Variants in CACNA1G observed in about 807,000 individuals in gnomAD.
The protein encoded by CACNA1G is calcium voltage-gated channel subunit alpha1 G, also known as voltage-dependent T-type calcium channel subunit alpha-1G.
Under a neutral mutation model 219.4 loss-of-function variants are expected in CACNA1G, and 67 were observed. That is an observed-to-expected ratio of 0.31 (90% CI 0.25 to 0.37). The LOEUF is 0.37. Among genes scored for constraint, CACNA1G ranks in the 10% least tolerant of loss-of-function variants. The pLI, the probability that CACNA1G is intolerant of heterozygous loss-of-function variation, is 1.00. For missense variants in CACNA1G, 2,380 were observed against 3,231.4 expected, an observed-to-expected ratio of 0.74 and a Z score of 6.39; for synonymous variants, 1,296 against 1,345.3, an observed-to-expected ratio of 0.96 and a Z score of 0.80.
intron 16 of CACNA1G, among the ~76,000 whole-genome samples, chr17:50,599,210 G>A (rs561069689): frequency 2.0e-5 from 3 of 152,372 alleles, no homozygotes; most frequent in East Asian, 3.9e-4. Flanking sequence ...GTTTACAGAT[G>A]AGGAAACAGA....
At position 50,617,281 on chromosome 17, in the gene CACNA1G, G is replaced by A. The variant is rs1178773946; in HGVS notation, c.5022-157G>A. 6.6e-6 allele frequency among the ~76,000 whole-genome samples: 1 copy of A among 152,242 alleles called. No individual in the cohort carries two copies. Among genetic ancestry groups the A allele is most frequent in the Non-Finnish European group, 1.5e-5 (1 of 68,044 alleles). On this transcript the variant is annotated intron_variant, in intron 28 of 37. Coordinates refer to ENST00000359106, the MANE Select transcript of CACNA1G (RefSeq NM_018896.5). The surrounding 1 kb of genome is among the most constrained non-coding windows in gnomAD (Gnocchi z 5.8). ...CCTACTCGTGCCACCAGTTGGCTGT[G>A]TGGCCTTAGATAAGCCACGCCTCTT...
Position 50,607,922 on chromosome 17 carries a change from G to A in CACNA1G, c.4608G>A (p.Val1536=). The A allele has an allele frequency of 6.2e-7, 1 of 1,614,016 alleles. No individual in the cohort carries two copies. Among genetic ancestry groups the A allele is most frequent in the Non-Finnish European group, 8.5e-7 (1 of 1,179,864 alleles). ...FFVLNMFVGV[V]VENFHKCRQH... The stretch of plus-strand genomic sequence containing the variant: ...TCCTGAACATGTTTGTGGGTGTGGT[G>A]GTGGAGAACTTCCACAAGTGTCGGC... Residue 1536 remains valine (V), a synonymous_variant, in exon 25 of 38, where the codon GTG becomes GTA. Coordinates refer to ENST00000359106, the MANE Select transcript of CACNA1G (RefSeq NM_018896.5).
chr17:50,586,237 C>T (rs1241412512), intron 9 of CACNA1G, among the ~76,000 whole-genome samples: 2 of 152,234 alleles, frequency 1.3e-5, no homozygotes, highest in Admixed American at 6.5e-5. Flanking sequence ...CCTTCCCACC[C>T]GCCCCCAGGG....
At position 50,578,322 on chromosome 17, in the gene CACNA1G, G is replaced by T. The variant is rs1472925560; in HGVS notation, c.2059G>T (p.Asp687Tyr). ...GGAGCTCGCCGACCGTGAAATGCCTGACTCAGACAGCGAGGCAGTTTATGA... is the reference window on the plus strand; with the variant it reads ...GGAGCTCGCCGACCGTGAAATGCCTTACTCAGACAGCGAGGCAGTTTATGA... ...EVELADREMP[D>Y]SDSEAVYEFT... is the part of the protein sequence containing the mutation. The change falls in exon 9 of 38, where the codon GAC becomes TAC. Residue 687 changes from aspartate (D) to tyrosine (Y), a missense_variant. Transcript: ENST00000359106. The surrounding 1 kb of genome is among the most constrained non-coding windows in gnomAD (Gnocchi z 4.5). 1.2e-6 allele frequency: 2 copies of T among 1,613,268 alleles called. No homozygotes were observed. The highest frequency in any genetic ancestry group is 1.7e-6 in the Non-Finnish European group (2 of 1,179,870).
Position 50,572,639 on chromosome 17 carries a change from G to A in CACNA1G, c.832G>A (p.Gly278Ser), listed in dbSNP as rs1392140625. The change falls in exon 6 of 38, where the codon GGC (glycine) becomes AGC (serine). Residue 278 changes from glycine to serine, a missense_variant. Gly to Ser is a moderately conservative substitution (Grantham distance 56, BLOSUM62 0). This residue lies in a region of CACNA1G where 68 missense variants were observed against 85.3 expected (regional missense o/e 0.80). Transcript: ENST00000359106. ...PFICSQPREN[G>S]MRSCRSVPTL... The stretch of plus-strand genomic sequence containing the variant: ...CATCTGCTCCCAGCCACGCGAGAAC[G>A]GCATGCGGTCCTGCAGAAGCGTGCC... 1.2e-6 allele frequency: 2 copies of A among 1,601,612 alleles called. No individual in the cohort carries two copies. The highest frequency in any genetic ancestry group is 1.7e-4 in the Middle Eastern group (1 of 6,044).
At position 50,626,071 on chromosome 17, in the gene CACNA1G, C is replaced by G. The variant is rs2053735395; in HGVS notation, c.6454C>G (p.Leu2152Val). ...DVQGLGSRED[L>V]LAEVSGPSPP... Reference sequence around the variant, plus strand: ...TCAGGGTCTGGGCAGCCGGGAAGACCTGCTGGCAGAGGTGAGTGGGCCCTC... The same window carrying G: ...TCAGGGTCTGGGCAGCCGGGAAGACGTGCTGGCAGAGGTGAGTGGGCCCTC... The change falls in exon 38 of 38, where the codon CTG (leucine) becomes GTG (valine). Residue 2152 changes from leucine to valine, a missense_variant. Leu to Val is a conservative substitution (Grantham distance 32). Transcript: ENST00000359106. This position sits in a 1 kb window ranked among gnomAD's most constrained non-coding sequence, Gnocchi z 4.3. 1 of 1,613,516 alleles carries G rather than the reference C, an allele frequency of 6.2e-7. No individual in the cohort carries two copies. The highest frequency in any genetic ancestry group is 2.2e-5 in the East Asian group (1 of 44,850).
chr17:50,608,985 C>T (rs1489351704), intron 25 of CACNA1G, among the ~76,000 whole-genome samples: 1 of 152,112 alleles, frequency 6.6e-6, no homozygotes, highest in Non-Finnish European at 1.5e-5. Flanking sequence ...GTGTGTCTGT[C>T]TGTGTGTCTC....
intron 9 of CACNA1G, among the ~76,000 whole-genome samples, chr17:50,580,166 G>T (rs2041633532): frequency 6.6e-6 from 1 of 152,118 alleles, no homozygotes; most frequent in East Asian, 1.9e-4. Flanking sequence ...ACCACGGTGG[G>T]CATGTTGTGT....
At position 50,571,657 on chromosome 17, in the gene CACNA1G, C is replaced by A. The variant is rs560900512; in HGVS notation, c.587-221C>A. On this transcript the variant is annotated intron_variant, in intron 4 of 37. Transcript: ENST00000359106. This position sits in a 1 kb window ranked among gnomAD's most constrained non-coding sequence, Gnocchi z 4.3. ...CCAGCTCACTGTTGGTGGTACTGTG[C>A]AGATTACCGTGGGCAAGCCACAAGG... is the stretch of plus-strand genomic sequence containing the variant. 6.6e-6 allele frequency among the ~76,000 whole-genome samples: 1 copy of A among 152,262 alleles called. No homozygotes were observed. Among genetic ancestry groups the A allele is most frequent in the Non-Finnish European group, 1.5e-5 (1 of 68,014 alleles).
Position 50,618,862 on chromosome 17 carries a change from A to G in CACNA1G, c.5635A>G (p.Ser1879Gly), listed in dbSNP as rs771223583. 4 of 1,612,848 alleles carry G rather than the reference A, an allele frequency of 2.5e-6. No individual in the cohort carries two copies. The highest frequency in any genetic ancestry group is 1.1e-5 in the South Asian group (1 of 91,044). Residue 1879 changes from serine to glycine, a missense_variant, in exon 33 of 38, where the codon AGC becomes GGC. By Grantham distance (56) the Ser-to-Gly change is moderately conservative. Coordinates refer to ENST00000359106, the MANE Select transcript of CACNA1G (RefSeq NM_018896.5). The surrounding 1 kb of genome is among the most constrained non-coding windows in gnomAD (Gnocchi z 5.3). ...GCTGGAGCTGGAGATGAAGACCCTC[A>G]GCCCCCAGCCCCACTCGCCACTGGG... The part of the protein sequence containing the change: ...AELELEMKTL[S>G]PQPHSPLGSP...
At chr17:50,604,964 C>T (rs1368200179) in intron 22 of CACNA1G, among the ~76,000 whole-genome samples, 2 of 152,152 alleles carry the variant, frequency 1.3e-5, no homozygotes, top group Non-Finnish European at 2.9e-5. Flanking sequence ...CCCTCGTTCC[C>T]TTGGCTTCCT....
At chr17:50,584,227 A>G (rs1212060769) in intron 9 of CACNA1G, among the ~76,000 whole-genome samples, 1 of 152,058 alleles carries the variant, frequency 6.6e-6, no homozygotes, top group Admixed American at 6.6e-5. Flanking sequence ...GAGATTGTTT[A>G]GTGTCGTCTA....
chr17:50,587,835 C>T (rs1035988598), intron 9 of CACNA1G, among the ~76,000 whole-genome samples: 1 of 152,052 alleles, frequency 6.6e-6, no homozygotes, highest in Non-Finnish European at 1.5e-5. Flanking sequence ...AGCCTGGCAT[C>T]ATCCTTCTCC....
rs2039526619 is a variant in CACNA1G at position 50,571,937 on chromosome 17, C to A, written c.646C>A (p.Leu216Met). 1 of 1,613,902 alleles carries A rather than the reference C, an allele frequency of 6.2e-7. No homozygotes were observed. Among genetic ancestry groups the A allele is most frequent in the Non-Finnish European group, 8.5e-7 (1 of 1,179,878 alleles). ...GCTGCCCATGCTGGGCAACGTCCTG[C>A]TGCTCTGCTTCTTCGTCTTCTTCAT... ...DTLPMLGNVL[L>M]LCFFVFFIFG... Residue 216 changes from leucine to methionine, a missense_variant, in exon 5 of 38, where the codon CTG becomes ATG. This residue lies in a region of CACNA1G where 56 missense variants were observed against 135.8 expected (regional missense o/e 0.41). Transcript: ENST00000359106. The surrounding 1 kb of genome is among the most constrained non-coding windows in gnomAD (Gnocchi z 4.3).
chr17:50,593,478 C>T (rs2044806631), intron 13 of CACNA1G, among the ~76,000 whole-genome samples: 1 of 152,262 alleles, frequency 6.6e-6, no homozygotes, highest in East Asian at 1.9e-4. Flanking sequence ...CAGATGGCCC[C>T]CTCCCCAGCA....
In CACNA1G at chr17:50,578,809, G is replaced by C. The variant is rs1308101073; in HGVS notation, c.2301+245G>C. On this transcript the variant is annotated intron_variant, in intron 9 of 37. Transcript: ENST00000359106. The surrounding 1 kb of genome is among the most constrained non-coding windows in gnomAD (Gnocchi z 4.5). The stretch of plus-strand genomic sequence containing the variant: ...CACAGGGTATGTTCTACCCAGGAAG[G>C]CTGCTCAGAGGAGGCTGGCTTTGAA... Among the ~76,000 whole-genome samples the C allele has an allele frequency of 6.6e-6, 1 of 152,186 alleles. No homozygotes were observed. Among genetic ancestry groups the C allele is most frequent in the African/African-American group, 2.4e-5 (1 of 41,436 alleles).
intron 9 of CACNA1G, among the ~76,000 whole-genome samples, chr17:50,583,536 A>G (rs886496): frequency 0.033 from 5,034 of 152,196 alleles, 266 homozygotes; most frequent in African/African-American, 0.11. Context: ...ATGCCGCAAG[A>G]GAGGCTTCAG....
intron 35 of CACNA1G, 47 bp from the exon 36 acceptor site, chr17:50,623,860 C>T: frequency 6.3e-7 from 1 of 1,578,408 alleles, no homozygotes; most frequent in Non-Finnish European, 8.7e-7. Flanking sequence ...GTTACCAAAC[C>T]CACGCACACC....
chr17:50,593,092 G>T (rs1348361942), intron 13 of CACNA1G, among the ~76,000 whole-genome samples: 1 of 152,134 alleles, frequency 6.6e-6, no homozygotes, highest in Admixed American at 6.5e-5. Flanking sequence ...TCCCTCCTGT[G>T]GGGCAGCCAG....
Sources: gnomAD v4.1 joint callset for allele counts (sites outside exome capture counted in the v4.1 genomes callset) on GRCh38, gnomAD v4.1.1 for gene constraint, gnomAD v4.1.1 regional missense constraint, Gnocchi (gnomAD v3.1) non-coding constraint, MANE v1.5 for transcripts, NCBI Gene and HGNC (gene_info 2026-07-23, HGNC 2026-07-21) for gene names.